The following VMO1 variants were observed in gnomAD, a reference collection of about 807,000 sequenced individuals.
The protein encoded by VMO1 is vitelline membrane outer layer protein 1 homolog.
A neutral mutation model predicts 10.1 loss-of-function variants in VMO1; 13 were observed. The observed-to-expected ratio is 1.29, with a 90% CI of 0.84 to 2.05. The LOEUF is 2.05. Among genes scored for constraint, VMO1 ranks in the 30% most tolerant of loss-of-function variants. VMO1 has a pLI of 0.00. For synonymous variants in VMO1, 117 were observed against 122.2 expected, an observed-to-expected ratio of 0.96 and a Z score of 0.28; for missense variants, 304 against 276.9, an observed-to-expected ratio of 1.10 and a Z score of -0.70.
Position 4,785,440 on chromosome 17 carries a change from C to G in VMO1, c.531G>C (p.Gln177His). The G allele has an allele frequency of 6.2e-7, 1 of 1,614,228 alleles. No homozygotes were observed. ...DHCPKGACGL[Q>H]TKIQGPRGLG... ...GGCCTCTAGGTCCCTGGATCTTGGT[C>G]TGCAGGCCGCACGCGCCCTTGGGGC... Residue 177 changes from glutamine to histidine, a missense_variant, in exon 3 of 3, where the codon CAG (glutamine) becomes CAC (histidine). By Grantham distance (24) the Gln-to-His change is conservative. Coordinates refer to ENST00000328739, the MANE Select transcript of VMO1 (RefSeq NM_182566.3).
At position 4,785,459 on chromosome 17, in the gene VMO1, T is replaced by C. The variant is rs201850470; in HGVS notation, c.512A>G (p.Lys171Arg). ...DFGDWSDHCP[K>R]GACGLQTKIQ... ...CTTGGTCTGCAGGCCGCACGCGCCC[T>C]TGGGGCAATGGTCACTCCAGTCTCC... Residue 171 changes from lysine to arginine, a missense_variant, in exon 3 of 3, where the codon AAG becomes AGG. Transcript: ENST00000328739. The C allele has an allele frequency of 1.2e-6, 2 of 1,614,198 alleles. No homozygotes were observed. The highest frequency in any genetic ancestry group is 8.5e-7 in the Non-Finnish European group (1 of 1,180,028).
Position 4,785,511 on chromosome 17 carries a change from C to G in VMO1, c.460G>C (p.Gly154Arg). The change falls in exon 3 of 3, where the codon GGG becomes CGG. Residue 154 changes from glycine (G) to arginine (R), a missense_variant. Transcript: ENST00000328739. ...FRCSDGEELQ[G>R]PGLSWGDFGD... is the part of the protein sequence containing the mutation. The stretch of plus-strand genomic sequence containing the variant: ...AAGTCTCCCCAGCTCAGCCCAGGCC[C>G]CTGCAGTTCCTCGCCGTCTGAACAG... The G allele has an allele frequency of 1.2e-6, 2 of 1,614,254 alleles. No individual in the cohort carries two copies. Among genetic ancestry groups the G allele is most frequent in the East Asian group, 4.5e-5 (2 of 44,886 alleles).
chr17:4,785,686 C>A, intron 2 of VMO1, 27 bp from the exon 3 acceptor site: 1 of 1,586,170 alleles, frequency 6.3e-7, no homozygotes, highest in Non-Finnish European at 8.6e-7. Context: ...GATGCGTTGC[C>A]TCTGCGGGCC....
Position 4,785,323 on chromosome 17 carries a change from GCCT to G in VMO1, c.*36_*38del. 8.3e-6 allele frequency: 13 copies of G among 1,570,370 alleles called. No individual in the cohort carries two copies. Among genetic ancestry groups the G allele is most frequent in the Non-Finnish European group, 1.1e-5 (13 of 1,159,712 alleles). On this transcript the variant is annotated 3_prime_UTR_variant, in exon 3 of 3. Coordinates refer to ENST00000328739, the MANE Select transcript of VMO1 (RefSeq NM_182566.3). ...GCTTTAATAGCAAGAGGTGGGACTA[GCCT>G]CCTGGCCCGGGAGAGAGCGGCGGCG...
Position 4,785,501 on chromosome 17 carries a change from A to G in VMO1, c.470T>C (p.Leu157Pro), listed in dbSNP as rs1917448082. ...CCAGTCTCCAAAGTCTCCCCAGCTCAGCCCAGGCCCCTGCAGTTCCTCGCC... is the reference window on the plus strand; with the variant it reads ...CCAGTCTCCAAAGTCTCCCCAGCTCGGCCCAGGCCCCTGCAGTTCCTCGCC... ...SDGEELQGPG[L>P]SWGDFGDWSD... Residue 157 changes from leucine (L) to proline (P), a missense_variant, in exon 3 of 3, where the codon CTG becomes CCG. Physicochemically the swap from Leu to Pro is moderately conservative, Grantham distance 98. Coordinates refer to ENST00000328739, the MANE Select transcript of VMO1 (RefSeq NM_182566.3). 6.2e-7 allele frequency: 1 copy of G among 1,614,198 alleles called. No individual in the cohort carries two copies. The highest frequency in any genetic ancestry group is 8.5e-7 in the Non-Finnish European group (1 of 1,179,986).
intron 2 of VMO1, 121 bp downstream of exon 2, chr17:4,785,816 C>T (rs1434466512): frequency 2.1e-5 from 32 of 1,541,022 alleles, no homozygotes; most frequent in Non-Finnish European, 2.6e-5. Context: ...CACCCTTCGC[C>T]TCCCCGGTCT....
rs1446289632 is a variant in VMO1, at chr17:4,786,307, G to A, written c.46C>T (p.Leu16=). 2.5e-6 allele frequency: 4 copies of A among 1,605,204 alleles called. No homozygotes were observed. The highest frequency in any genetic ancestry group is 3.4e-6 in the Non-Finnish European group (4 of 1,178,846). The change falls in exon 1 of 3, where the codon CTG becomes TTG. Residue 16 remains leucine, a synonymous_variant. Transcript: ENST00000328739. ...GCACATGTGAAACCAGTCGCCCGCA[G>A]AAGCAGCAGCAGCGGCAGCAGCTTG... ...GAKLLPLLLL[L]RATGFTCAQT... is the part of the protein sequence containing the mutation.
chr17:4,786,220 C>T lies in VMO1; in HGVS notation c.133G>A (p.Gly45Ser). 6.2e-7 allele frequency: 1 copy of T among 1,611,780 alleles called. No homozygotes were observed. The highest frequency in any genetic ancestry group is 8.5e-7 in the Non-Finnish European group (1 of 1,178,860). ...VIEVTSGGPWGDWAWPEMCPD... is the reference protein window; with the variant it reads ...VIEVTSGGPWSDWAWPEMCPD... ...CACATCTCAGGCCAGGCCCAGTCGC[C>T]CCAGGGACCCCCGCTGGTCACTTCG... Residue 45 changes from glycine (G) to serine (S), a missense_variant, in exon 1 of 3, where the codon GGC (glycine) becomes AGC (serine). Coordinates refer to ENST00000328739, the MANE Select transcript of VMO1 (RefSeq NM_182566.3).
At chr17:4,785,790 G>A in intron 2 of VMO1, 131 bp from the exon 3 acceptor site, 1 of 1,518,980 alleles carries the variant, frequency 6.6e-7, no homozygotes, top group Non-Finnish European at 8.9e-7. Flanking sequence ...GAGGAGCGGA[G>A]GAGGGGTCTT....
In VMO1 at chr17:4,786,231, C is replaced by A; in HGVS notation, c.122G>T (p.Gly41Val). Residue 41 changes from glycine to valine, a missense_variant, in exon 1 of 3, where the codon GGG becomes GTG. Coordinates refer to ENST00000328739, the MANE Select transcript of VMO1 (RefSeq NM_182566.3). ...GYTAVIEVTSGGPWGDWAWPE... is the reference protein window; with the variant it reads ...GYTAVIEVTSVGPWGDWAWPE... ...CCAGGCCCAGTCGCCCCAGGGACCC[C>A]CGCTGGTCACTTCGATGACCGCCGT... is the stretch of plus-strand genomic sequence containing the variant. 1 of 1,612,558 alleles carries A rather than the reference C, an allele frequency of 6.2e-7. No individual in the cohort carries two copies. Among genetic ancestry groups the A allele is most frequent in the Non-Finnish European group, 8.5e-7 (1 of 1,179,370 alleles).
In VMO1 at chr17:4,786,322, G is replaced by A. The variant is rs778930389; in HGVS notation, c.31C>T (p.Pro11Ser). The change falls in exon 1 of 3, where the codon CCG becomes TCG. Residue 11 changes from proline to serine, a missense_variant. Physicochemically the swap from Pro to Ser is moderately conservative, Grantham distance 74 (BLOSUM62 -1). Transcript: ENST00000328739. ...GTCGCCCGCAGAAGCAGCAGCAGCG[G>A]CAGCAGCTTGGCTCCTGCGCCCCGC... Reference protein sequence around the residue: MERGAGAKLLPLLLLLRATGF... With the variant: MERGAGAKLLSLLLLLRATGF... 2.5e-6 allele frequency: 4 copies of A among 1,594,072 alleles called. No individual in the cohort carries two copies. The highest frequency in any genetic ancestry group is 2.7e-5 in the African/African-American group (2 of 74,778).
rs1379917158 is a variant in VMO1 at position 4,785,688 on chromosome 17, C to T, written c.312-29G>A. 4 of 1,584,428 alleles carry T rather than the reference C, an allele frequency of 2.5e-6. No individual in the cohort carries two copies. In the Admixed American group the frequency reaches 7.1e-5, roughly 28 times the overall value. On this transcript the variant is annotated intron_variant, in intron 2 of 2. Coordinates refer to ENST00000328739, the MANE Select transcript of VMO1 (RefSeq NM_182566.3). ...CAAGGCAAAGGGAGATGCGTTGCCT[C>T]TGCGGGCCCCCCATTCACCAAGCCC... is the stretch of plus-strand genomic sequence containing the variant.
At position 4,786,254 on chromosome 17, in the gene VMO1, C is replaced by T. The variant is rs776403785; in HGVS notation, c.99G>A (p.Thr33=). 3 of 1,612,198 alleles carry T rather than the reference C, an allele frequency of 1.9e-6. No homozygotes were observed. Among genetic ancestry groups the T allele is most frequent in the Non-Finnish European group, 1.7e-6 (2 of 1,179,476 alleles). The change falls in exon 1 of 3, where the codon ACG becomes ACA. Residue 33 remains threonine, a synonymous_variant. Transcript: ENST00000328739. ...CAQTDGRNGY[T]AVIEVTSGGP... is the part of the protein sequence containing the mutation. ...CCCCGCTGGTCACTTCGATGACCGCCGTGTAGCCGTTCCGGCCATCTGTCT... is the reference window on the plus strand; with the variant it reads ...CCCCGCTGGTCACTTCGATGACCGCTGTGTAGCCGTTCCGGCCATCTGTCT...
rs770693656 is a variant in VMO1 at position 4,785,423 on chromosome 17, G to A, written c.548C>T (p.Pro183Leu). 2 of 1,614,200 alleles carry A rather than the reference G, an allele frequency of 1.2e-6. No individual in the cohort carries two copies. Among genetic ancestry groups the A allele is most frequent in the East Asian group, 2.2e-5 (1 of 44,878 alleles). ...ACGLQTKIQGPRGLGDDTALN... is the reference protein window; with the variant it reads ...ACGLQTKIQGLRGLGDDTALN... ...CGCAGTGTCATCGCCGAGGCCTCTA[G>A]GTCCCTGGATCTTGGTCTGCAGGCC... is the stretch of plus-strand genomic sequence containing the variant. Residue 183 changes from proline to leucine, a missense_variant, in exon 3 of 3, where the codon CCT becomes CTT. Physicochemically the swap from Pro to Leu is moderately conservative, Grantham distance 98. Coordinates refer to ENST00000328739, the MANE Select transcript of VMO1 (RefSeq NM_182566.3).
At chr17:4,785,781 A>T (rs756355014) in intron 2 of VMO1, 122 bp from the exon 3 acceptor site, 34 of 1,507,088 alleles carry the variant, frequency 2.3e-5, no homozygotes, top group Non-Finnish European at 3.0e-5. Flanking sequence ...ACCTCCGCCG[A>T]GGAGCGGAGG....
rs1299035366 is a variant in VMO1 at position 4,786,037 on chromosome 17, C to T, written c.211G>A (p.Gly71Ser). 1.9e-6 allele frequency: 3 copies of T among 1,614,098 alleles called. No individual in the cohort carries two copies. The African/African-American group carries it at 4.0e-5, about 22-fold the overall frequency. ...AGTGCAGTGTCGTCGCCAGGAATGCCTTGGGGAGGCTCCACCTGGGTATCG... is the reference window on the plus strand; with the variant it reads ...AGTGCAGTGTCGTCGCCAGGAATGCTTTGGGGAGGCTCCACCTGGGTATCG... ...GFSLKVEPPQGIPGDDTALNG... is the reference protein window; with the variant it reads ...GFSLKVEPPQSIPGDDTALNG... Residue 71 changes from glycine (G) to serine (S), a missense_variant, in exon 2 of 3, where the codon GGC (glycine) becomes AGC (serine). Coordinates refer to ENST00000328739, the MANE Select transcript of VMO1 (RefSeq NM_182566.3).
At position 4,785,931 on chromosome 17, in the gene VMO1, C is replaced by T; in HGVS notation, c.311+6G>A. On this transcript the variant is annotated splice_donor_region_variant and intron_variant, in intron 2 of 2. Transcript: ENST00000328739. ...CCCCAAGGGATCCTCGACCCCTGCG[C>T]CCCACCTTCCAGACTGGGACTCTAC... 6.2e-7 allele frequency: 1 copy of T among 1,614,198 alleles called. No homozygotes were observed. Among genetic ancestry groups the T allele is most frequent in the African/African-American group, 1.3e-5 (1 of 75,064 alleles).
At chr17:4,785,769 C>A in intron 2 of VMO1, 110 bp from the exon 3 acceptor site, 1 of 1,509,556 alleles carries the variant, frequency 6.6e-7, no homozygotes, top group Non-Finnish European at 8.9e-7. Flanking sequence ...GGGTGCTCCC[C>A]GACCTCCGCC....
chr17:4,785,707 C>G (rs1917458670), intron 2 of VMO1, 48 bp from the exon 3 acceptor site: 1 of 1,554,426 alleles, frequency 6.4e-7, no homozygotes, highest in African/African-American at 1.4e-5. Context: ...CCCCATTCAC[C>G]AAGCCCTTGA....
Sources: gnomAD v4.1 joint callset for allele counts on GRCh38, gnomAD v4.1.1 for gene constraint, MANE v1.5 for transcripts, NCBI Gene and HGNC (gene_info 2026-07-23, HGNC 2026-07-21) for gene names.